The following TNFSF8 variants were observed in gnomAD, a reference collection of about 807,000 sequenced individuals.
The protein encoded by TNFSF8 is tumor necrosis factor ligand superfamily member 8.
Under a neutral mutation model 22.0 loss-of-function variants are expected in TNFSF8, and 4 were observed. That is an observed-to-expected ratio of 0.18 (90% CI 0.09 to 0.42). The LOEUF is 0.42. Among genes scored for constraint, TNFSF8 ranks in the 10% least tolerant of loss-of-function variants. TNFSF8 has a pLI of 1.00. For synonymous variants in TNFSF8, 106 were observed against 112.5 expected (o/e 0.94, Z 0.37); for missense variants, 233 against 281.8 (o/e 0.83, Z 1.24).
In TNFSF8 at chr9:114,903,736, T is replaced by C. The variant is rs1270061051; in HGVS notation, c.*195A>G. 1.3e-5 allele frequency: 17 copies of C among 1,343,492 alleles called. No homozygotes were observed. The South Asian group carries it at 3.4e-4, about 27-fold the overall frequency. 83.2% of individuals were successfully genotyped at this position (1,343,492 alleles called of 1,614,324 possible). A position where few individuals can be genotyped will look rare whatever the true frequency, so the allele number is the denominator to read the frequency against. ...CTACATTGCTTCCCTGCCTGCTATC[T>C]GAAAGATACTTCACTAAAAACTCTC... On this transcript the variant is annotated 3_prime_UTR_variant, in exon 4 of 4. Transcript: ENST00000223795.
chr9:114,920,379 A>G (rs1827972841), intron 1 of TNFSF8, among the ~76,000 whole-genome samples: 1 of 152,232 alleles, frequency 6.6e-6, no homozygotes, highest in African/African-American at 2.4e-5. Flanking sequence ...GGGAAGTCCT[A>G]GAGAATCATT....
In TNFSF8 at chr9:114,902,081, G is replaced by T. The variant is rs906439265; in HGVS notation, c.*1850C>A. ...TTTTTTACTGAAGCATAACATCAGG[G>T]CCTACATTCCATCTCAAACGGCTTG... is the stretch of plus-strand genomic sequence containing the variant. On this transcript the variant is annotated 3_prime_UTR_variant, in exon 4 of 4. Coordinates refer to ENST00000223795, the MANE Select transcript of TNFSF8 (RefSeq NM_001244.4). 4.3e-5 allele frequency: 42 copies of T among 985,176 alleles called. No individual in the cohort carries two copies. The African/African-American group carries it at 7.3e-4, about 17-fold the overall frequency. 61.0% of individuals were successfully genotyped at this position (985,176 alleles called of 1,614,324 possible).
intron 2 of TNFSF8, among the ~76,000 whole-genome samples, chr9:114,915,279 A>G (rs1387398547): frequency 1.3e-5 from 2 of 152,064 alleles, no homozygotes. Flanking sequence ...CTATTTTTAC[A>G]TATTGTACAA....
In TNFSF8 at chr9:114,910,651, A is replaced by T. The variant is rs141307542; in HGVS notation, c.239-4752T>A. Among the ~76,000 whole-genome samples the T allele has an allele frequency of 1.1e-3, 172 of 152,300 alleles. 1 individual carries two copies. The highest frequency in any genetic ancestry group is 3.9e-3 in the African/African-American group (163 of 41,552). On this transcript the variant is annotated intron_variant, in intron 2 of 3. Transcript: ENST00000223795. ...GAGCTCCTGGGTTCCATCTTGTGGG[A>T]GAATGCCAGCAGATGACTTCAGGCC...
Position 114,902,114 on chromosome 9 carries a change from C to G in TNFSF8, c.*1817G>C, listed in dbSNP as rs1827724813. 1 of 985,294 alleles carries G rather than the reference C, an allele frequency of 1.0e-6. No homozygotes were observed. 61.0% of individuals were successfully genotyped at this position (985,294 alleles called of 1,614,324 possible). On this transcript the variant is annotated 3_prime_UTR_variant, in exon 4 of 4. Transcript: ENST00000223795. The stretch of plus-strand genomic sequence containing the variant: ...TCCATCTCAAACGGCTTGTCAAGGT[C>G]CTTCCACAAATAAGATGTTCCTCCA...
At chr9:114,928,281 G>A (rs1228803106) in intron 1 of TNFSF8, among the ~76,000 whole-genome samples, 2 of 152,148 alleles carry the variant, frequency 1.3e-5, no homozygotes, top group African/African-American at 4.8e-5. Flanking sequence ...GTCTGTATTG[G>A]CAAAGGGGAT....
intron 3 of TNFSF8, 121 bp downstream of exon 3, chr9:114,905,707 G>A: frequency 2.5e-6 from 2 of 792,158 alleles, no homozygotes; most frequent in Non-Finnish European, 4.5e-6. Flanking sequence ...AGACTAAACA[G>A]TACACATCTG....
rs781419819 is a variant in TNFSF8, at chr9:114,918,158, A to G, written c.196-20T>C. On this transcript the variant is annotated intron_variant, in intron 1 of 3. Transcript: ENST00000223795. ...GGAGTCCTGGAAGAAAAGAAAGAAAAAAGCAGCATGAGGTGTGACATTCAG... is the reference window on the plus strand; with the variant it reads ...GGAGTCCTGGAAGAAAAGAAAGAAAGAAGCAGCATGAGGTGTGACATTCAG... 17 of 1,601,786 alleles carry G rather than the reference A, an allele frequency of 1.1e-5. No individual in the cohort carries two copies. The highest frequency in any genetic ancestry group is 1.7e-5 in the Admixed American group (1 of 57,960).
chr9:114,898,549 T>C (rs1282781691), downstream of TNFSF8, among the ~76,000 whole-genome samples: 3 of 151,836 alleles, frequency 2.0e-5, no homozygotes, highest in Non-Finnish European at 4.4e-5. Context: ...GTTAATTGAG[T>C]AGGAAGTGAG....
At chr9:114,905,950 T>A in intron 2 of TNFSF8, 51 bp from the exon 3 acceptor site, 1 of 1,195,418 alleles carries the variant, frequency 8.4e-7, no homozygotes, top group Non-Finnish European at 1.2e-6. Flanking sequence ...TTTTGGGATC[T>A]GGAAATACCT....
intron 2 of TNFSF8, among the ~76,000 whole-genome samples, chr9:114,906,250 T>C (rs537364045): frequency 1.3e-5 from 2 of 152,290 alleles, no homozygotes; most frequent in South Asian, 4.2e-4. Context: ...AGGGGTATTA[T>C]TAAGCCCCTT....
At chr9:114,911,100 T>C (rs370521761) in intron 2 of TNFSF8, among the ~76,000 whole-genome samples, 1 of 152,240 alleles carries the variant, frequency 6.6e-6, no homozygotes, top group African/African-American at 2.4e-5. Flanking sequence ...TTTGTTGTTA[T>C]AGTGGCACAG....
chr9:114,930,088 G>A lies in TNFSF8; in HGVS notation c.195+21C>T, dbSNP rs1277756198. The A allele has an allele frequency of 5.6e-6, 8 of 1,438,786 alleles. No individual in the cohort carries two copies. In the East Asian group the frequency reaches 1.1e-4, roughly 19 times the overall value. 89.1% of individuals were successfully genotyped at this position (1,438,786 alleles called of 1,614,324 possible). A position where few individuals can be genotyped will look rare whatever the true frequency, so the allele number is the denominator to read the frequency against. On this transcript the variant is annotated intron_variant, in intron 1 of 3. Coordinates refer to ENST00000223795, the MANE Select transcript of TNFSF8 (RefSeq NM_001244.4). ...GGGAAAACAACAAGAAAAGGAAAGG[G>A]AGGAAGAGGAGTCCACTTACCGTCC...
At chr9:114,930,040 T>G (rs1828118654) in intron 1 of TNFSF8, 69 bp downstream of exon 1, 1 of 1,298,096 alleles carries the variant, frequency 7.7e-7, no homozygotes, top group Admixed American at 2.9e-5. Flanking sequence ...CGAATATCAT[T>G]TGTTCCCAGG....
chr9:114,918,453 CT>C (rs11322814), intron 1 of TNFSF8, among the ~76,000 whole-genome samples: 53,097 of 142,858 alleles, frequency 0.37, 9,685 homozygotes, highest in Admixed American at 0.46. Flanking sequence ...AGAGCTGGGA[CT>C]TTTTTTTTTT....
At chr9:114,916,567 G>A (rs988075302) in intron 2 of TNFSF8, among the ~76,000 whole-genome samples, 1 of 152,164 alleles carries the variant, frequency 6.6e-6, no homozygotes, top group Admixed American at 6.6e-5. Flanking sequence ...GTGGGGAGGG[G>A]CAAGTTATAT....
chr9:114,905,433 CAG>C (rs1029795289), intron 3 of TNFSF8, among the ~76,000 whole-genome samples: 1 of 151,210 alleles, frequency 6.6e-6, no homozygotes. Context: ...TTCATAGAGG[CAG>C]AGATTAAGTG....
chr9:114,906,977 G>A (rs1423044786), intron 2 of TNFSF8, among the ~76,000 whole-genome samples: 1 of 152,170 alleles, frequency 6.6e-6, no homozygotes, highest in African/African-American at 2.4e-5. Context: ...CAGACGGTAG[G>A]CAGCCAACGG....
At chr9:114,927,732 G>A (rs1484238246) in intron 1 of TNFSF8, among the ~76,000 whole-genome samples, 1 of 152,102 alleles carries the variant, frequency 6.6e-6, no homozygotes, top group African/African-American at 2.4e-5. Flanking sequence ...CCATTCTTAT[G>A]GTTCTCCACC....
Sources: allele counts gnomAD v4.1 joint callset (sites outside exome capture counted in the v4.1 genomes callset), GRCh38; gene constraint gnomAD v4.1.1; transcripts MANE v1.5; gene names NCBI Gene and HGNC (gene_info 2026-07-23, HGNC 2026-07-21).